IVNS1ABP: variants seen among roughly 807,000 people sequenced by gnomAD.
The protein encoded by IVNS1ABP is influenza virus NS1A-binding protein.
IVNS1ABP carries 25 observed loss-of-function variants against 78.9 expected under a neutral mutation model. The ratio of observed to expected loss-of-function variants is 0.32; its 90% CI spans 0.23 to 0.44. IVNS1ABP has a LOEUF of 0.44. Among genes scored for constraint, IVNS1ABP ranks in the 20% least tolerant of loss-of-function variants. The pLI is 1.00. For synonymous variants in IVNS1ABP, 241 were observed against 259.7 expected, an observed-to-expected ratio of 0.93 and a Z score of 0.69; for missense variants, 494 against 768.9, an observed-to-expected ratio of 0.64 and a Z score of 4.23.
In IVNS1ABP at chr1:185,301,214, C is replaced by A. The variant is rs1665589130; in HGVS notation, c.896-18G>T. The A allele has an allele frequency of 1.3e-6, 2 of 1,591,960 alleles. No homozygotes were observed. Among genetic ancestry groups the A allele is most frequent in the Non-Finnish European group, 8.6e-7 (1 of 1,161,406 alleles). ...AGTGTTATCTGTAAGCACAAGAGTT[C>A]CATGTTTAAGATGTAATTATTACTT... On this transcript the variant is annotated intron_variant, in intron 9 of 14. Transcript: ENST00000367498.
At chr1:185,309,551 C>A (rs1168077716) in intron 2 of IVNS1ABP, 40 bp from the exon 3 acceptor site, 1 of 967,848 alleles carries the variant, frequency 1.0e-6, no homozygotes, top group African/African-American at 1.6e-5. Context: ...TTACTTGCAA[C>A]TGATGGTTTT....
intron 8 of IVNS1ABP, among the ~76,000 whole-genome samples, chr1:185,303,776 T>C (rs1665662506): frequency 1.3e-5 from 2 of 152,102 alleles, no homozygotes; most frequent in African/African-American, 4.8e-5. Flanking sequence ...TGTCTGGTTA[T>C]AAAAATAGGA....
At position 185,305,083 on chromosome 1, in the gene IVNS1ABP, A is replaced by G. The variant is rs535308567; in HGVS notation, c.765+453T>C. On this transcript the variant is annotated intron_variant, in intron 8 of 14. Coordinates refer to ENST00000367498, the MANE Select transcript of IVNS1ABP (RefSeq NM_006469.5). The surrounding 1 kb of genome is among the most constrained non-coding windows in gnomAD (Gnocchi z 4.0). The stretch of plus-strand genomic sequence containing the variant: ...GATCCACCACTTTTAGACTTATTAC[A>G]TTGTATAGTCCATCTTAACTATACC... 6.6e-6 allele frequency among the ~76,000 whole-genome samples: 1 copy of G among 152,290 alleles called. No individual in the cohort carries two copies. Among genetic ancestry groups the G allele is most frequent in the African/African-American group, 2.4e-5 (1 of 41,582 alleles).
At chr1:185,308,202 C>A (rs1266346152) in intron 5 of IVNS1ABP, among the ~76,000 whole-genome samples, 2 of 152,154 alleles carry the variant, frequency 1.3e-5, no homozygotes, top group Admixed American at 1.3e-4. Flanking sequence ...TCTTAAAGGG[C>A]CAGATAGTAA....
intron 1 of IVNS1ABP, among the ~76,000 whole-genome samples, chr1:185,313,642 C>T (rs1420644567): frequency 2.0e-5 from 3 of 151,976 alleles, no homozygotes; most frequent in East Asian, 1.9e-4. Context: ...AACTCAAGCA[C>T]GATAACTAGT....
chr1:185,300,391 A>G, intron 11 of IVNS1ABP, 46 bp downstream of exon 11: 2 of 1,613,438 alleles, frequency 1.2e-6, no homozygotes, highest in Non-Finnish European at 1.7e-6. Context: ...TGAAGTTACG[A>G]GGAAAAAGCT....
At chr1:185,300,413 G>C in intron 11 of IVNS1ABP, 24 bp downstream of exon 11, 1 of 1,613,494 alleles carries the variant, frequency 6.2e-7, no homozygotes, top group Non-Finnish European at 8.5e-7. Flanking sequence ...AATAGGGGTT[G>C]CTCCTGCAAC....
intron 3 of IVNS1ABP, 72 bp downstream of exon 3, chr1:185,309,311 A>G: frequency 7.8e-7 from 1 of 1,274,894 alleles, no homozygotes; most frequent in Non-Finnish European, 1.1e-6. Context: ...TGAAAAAGAA[A>G]TAAGCAAATC....
chr1:185,302,573 T>C (rs142204086), intron 8 of IVNS1ABP, among the ~76,000 whole-genome samples: 3 of 152,174 alleles, frequency 2.0e-5, no homozygotes, highest in African/African-American at 7.2e-5. Flanking sequence ...AACAAGTAAT[T>C]GAGAAAAAGA....
chr1:185,309,498 C>T lies in IVNS1ABP; in HGVS notation c.-5G>A. ...CAAATATCCATTGGGAATCATTTTT[C>T]CTTATAAATTTGGCTAGATGATGAA... On this transcript the variant is annotated 5_prime_UTR_variant, in exon 3 of 15. Transcript: ENST00000367498. The T allele has an allele frequency of 6.4e-7, 1 of 1,562,958 alleles. No individual in the cohort carries two copies. The highest frequency in any genetic ancestry group is 8.8e-7 in the Non-Finnish European group (1 of 1,138,912).
intron 8 of IVNS1ABP, among the ~76,000 whole-genome samples, chr1:185,303,488 T>A (rs1192721430): frequency 6.6e-6 from 1 of 152,076 alleles, no homozygotes; most frequent in Non-Finnish European, 1.5e-5. Flanking sequence ...CGCATCCTCT[T>A]CATGATCTCT....
chr1:185,298,023 GTCT>G lies in IVNS1ABP; in HGVS notation c.*9_*11del. ...TCACTAAGCCTGTTAGTTTGAGAGG[GTCT>G]TAAATTTGTTAAAACTGGAAAATCT... On this transcript the variant is annotated 3_prime_UTR_variant, in exon 15 of 15. Transcript: ENST00000367498. This position sits in a 1 kb window ranked among gnomAD's most constrained non-coding sequence, Gnocchi z 4.1. 6.2e-7 allele frequency: 1 copy of G among 1,611,728 alleles called. No homozygotes were observed. Among genetic ancestry groups the G allele is most frequent in the Non-Finnish European group, 8.5e-7 (1 of 1,178,606 alleles).
intron 2 of IVNS1ABP, among the ~76,000 whole-genome samples, chr1:185,310,274 A>C (rs1185142034): frequency 1.3e-5 from 2 of 152,200 alleles, no homozygotes; most frequent in African/African-American, 4.8e-5. Context: ...ACCATTACTT[A>C]TAAACAACTG....
Position 185,301,090 on chromosome 1 carries a change from A to G in IVNS1ABP, c.1002T>C (p.Ser334=). Residue 334 remains serine, a synonymous_variant, in exon 10 of 15, where the codon AGT becomes AGC. Transcript: ENST00000367498. ...GTTGCATCTCAAAGCTTAAACTCTT[A>G]CTTAGTTTTGGAGTACTTGTTGGTG... The part of the protein sequence containing the change: ...QSSPTSTPKL[S]KSLSFEMQQD... 1.2e-6 allele frequency: 2 copies of G among 1,613,486 alleles called. No homozygotes were observed. Among genetic ancestry groups the G allele is most frequent in the South Asian group, 1.1e-5 (1 of 91,074 alleles).
chr1:185,302,653 T>C (rs1385852482), intron 8 of IVNS1ABP, among the ~76,000 whole-genome samples: 1 of 152,160 alleles, frequency 6.6e-6, no homozygotes, highest in African/African-American at 2.4e-5. Flanking sequence ...GGTTACAACA[T>C]ACGTAGGCTA....
At chr1:185,306,594 C>T (rs1396779307) in intron 7 of IVNS1ABP, 1 of 1,261,288 alleles carries the variant, frequency 7.9e-7, no homozygotes, top group African/African-American at 1.6e-5. Flanking sequence ...CTTGTTTCTT[C>T]AGTCTTGGGT....
At chr1:185,302,901 C>CTT (rs1218847933) in intron 8 of IVNS1ABP, among the ~76,000 whole-genome samples, 3 of 152,010 alleles carry the variant, frequency 2.0e-5, no homozygotes, top group African/African-American at 7.2e-5. Flanking sequence ...AAACCCCATC[C>CTT]TTTTTATACT....
At position 185,300,057 on chromosome 1, in the gene IVNS1ABP, A is replaced by G. The variant is rs1651647225; in HGVS notation, c.1443T>C (p.Asn481=). The G allele has an allele frequency of 6.2e-7, 1 of 1,613,322 alleles. No individual in the cohort carries two copies. Among genetic ancestry groups the G allele is most frequent in the Admixed American group, 1.7e-5 (1 of 59,824 alleles). ...TTGTTACAGGATCAAATACATCACAATTTTTCAGTCCTTTTTGACCATATG... is the reference window on the plus strand; with the variant it reads ...TTGTTACAGGATCAAATACATCACAGTTTTTCAGTCCTTTTTGACCATATG... ...SDPYGQKGLK[N]CDVFDPVTKL... is the part of the protein sequence containing the mutation. Residue 481 remains asparagine (N), a synonymous_variant, in exon 13 of 15, where the codon AAT becomes AAC. Coordinates refer to ENST00000367498, the MANE Select transcript of IVNS1ABP (RefSeq NM_006469.5).
chr1:185,296,716 T>G lies in IVNS1ABP; in HGVS notation c.*1319A>C, dbSNP rs1004693802. On this transcript the variant is annotated 3_prime_UTR_variant, in exon 15 of 15. Transcript: ENST00000367498. Reference sequence around the variant, plus strand: ...AGTCACCTCATCCCAGTTGGCCCATTAGGTTCCTGTGTGCTTCATCTTCTG... The same window carrying G: ...AGTCACCTCATCCCAGTTGGCCCATGAGGTTCCTGTGTGCTTCATCTTCTG... 2 of 152,110 alleles carry G rather than the reference T, an allele frequency of 1.3e-5. No homozygotes were observed. The highest frequency in any genetic ancestry group is 6.6e-5 in the Admixed American group (1 of 15,258). 9.4% of individuals were successfully genotyped at this position (152,110 alleles called of 1,614,324 possible).
Sources: allele counts gnomAD v4.1 joint callset (sites outside exome capture counted in the v4.1 genomes callset), GRCh38; gene constraint gnomAD v4.1.1; non-coding constraint Gnocchi (gnomAD v3.1); transcripts MANE v1.5; gene names NCBI Gene and HGNC (gene_info 2026-07-23, HGNC 2026-07-21).